Variants in RBFOX1 observed in about 807,000 individuals in gnomAD.
RBFOX1 encodes the protein RNA binding fox-1 homolog 1.
In RBFOX1, 8 loss-of-function variants were observed where a neutral mutation model predicts 57.7. That is an observed-to-expected ratio of 0.14 (90% CI 0.08 to 0.25). The LOEUF is 0.25. Ranked by LOEUF, RBFOX1 falls within the 10% of genes least tolerant of loss-of-function variation. RBFOX1 has a pLI of 1.00. For missense variants in RBFOX1, 611 were observed against 548.5 expected, an observed-to-expected ratio of 1.11 and a Z score of -1.14; for synonymous variants, 326 against 222.4, an observed-to-expected ratio of 1.47 and a Z score of -4.15.
At chr16:5,261,449 G>A (rs935568354) in intron 1 of RBFOX1, among the ~76,000 whole-genome samples, 4 of 151,514 alleles carry the variant, frequency 2.6e-5, no homozygotes, top group African/African-American at 7.3e-5. Context: ...TGCCTATTTT[G>A]ATTGGGCAGT....
Position 7,370,716 on chromosome 16 carries a change from G to T in RBFOX1, c.28-147431G>T, listed in dbSNP as rs147254050. On this transcript the variant is annotated intron_variant, in intron 4 of 15. Transcript: ENST00000550418. ...ATTTGAAAGGGACTTGTGAACTAGT[G>T]GCCAGTTTTCCTGTTTAGGTACCCG... 1.8e-3 allele frequency among the ~76,000 whole-genome samples: 278 copies of T among 152,272 alleles called. 3 individuals are homozygous for T. The highest frequency in any genetic ancestry group is 6.5e-3 in the African/African-American group (271 of 41,542).
chr16:7,577,622 G>A (rs1413855767), intron 5 of RBFOX1, among the ~76,000 whole-genome samples: 1 of 152,216 alleles, frequency 6.6e-6, no homozygotes, highest in Non-Finnish European at 1.5e-5. Flanking sequence ...CAGTCTCTGG[G>A]GATGGTGGCT....
chr16:6,584,364 T>C (rs895248502), intron 2 of RBFOX1, among the ~76,000 whole-genome samples: 5 of 147,456 alleles, frequency 3.4e-5, no homozygotes, highest in African/African-American at 1.2e-4. Context: ...TTATTATTAT[T>C]ATTATTATTA....
chr16:7,217,056 T>TCCCTCCCTCC (rs1322387691), intron 4 of RBFOX1, among the ~76,000 whole-genome samples: 22 of 56,072 alleles, frequency 3.9e-4, no homozygotes, highest in African/African-American at 1.2e-3. Context: ...TCCCTCCCTC[T>TCCCTCCCTCC]CTCTCCCTCT....
rs112093495 is a variant in RBFOX1 at position 6,663,584 on chromosome 16, A to G, written c.-16+8934A>G. On this transcript the variant is annotated intron_variant, in intron 3 of 15. Transcript: ENST00000550418. ...TTTCCCTTCAAAGACCAAAGCGAAG[A>G]TACTTAAGGCACATAAGGGCAGAGG... Among the ~76,000 whole-genome samples, 992 of 152,294 alleles carry G rather than the reference A, an allele frequency of 6.5e-3. 12 individuals carry two copies. The highest frequency in any genetic ancestry group is 0.023 in the African/African-American group (940 of 41,556).
At chr16:7,053,051 A>C (rs1298176064) in intron 4 of RBFOX1, among the ~76,000 whole-genome samples, 1 of 152,228 alleles carries the variant, frequency 6.6e-6, no homozygotes, top group Non-Finnish European at 1.5e-5. Context: ...TGTATTTAAC[A>C]GGCCTAATGC....
chr16:5,972,121 C>T (rs772313228), intron 4 of RBFOX1, among the ~76,000 whole-genome samples: 2 of 152,220 alleles, frequency 1.3e-5, no homozygotes, highest in Non-Finnish European at 2.9e-5. Context: ...AGCATGCTGA[C>T]TCATCCTGCA....
At chr16:6,795,387 A>C (rs370218975) in intron 3 of RBFOX1, among the ~76,000 whole-genome samples, 2 of 152,190 alleles carry the variant, frequency 1.3e-5, no homozygotes, top group East Asian at 1.9e-4. Flanking sequence ...AGAAGAAAAA[A>C]AATCAGCTCT....
chr16:6,845,550 T>A (rs1471779713), intron 3 of RBFOX1, among the ~76,000 whole-genome samples: 3 of 152,212 alleles, frequency 2.0e-5, no homozygotes, highest in Non-Finnish European at 2.9e-5. Flanking sequence ...TGTCTGTTTT[T>A]GCACCAGTGC....
intron 4 of RBFOX1, among the ~76,000 whole-genome samples, chr16:7,066,091 G>T (rs985889336): frequency 1.3e-5 from 2 of 152,184 alleles, no homozygotes; most frequent in African/African-American, 4.8e-5. Context: ...TGTTTTGATA[G>T]TATTTGCATG....
chr16:6,483,257 C>A (rs1385183932), intron 2 of RBFOX1: 3 of 1,282,544 alleles, frequency 2.3e-6, no homozygotes, highest in Non-Finnish European at 2.0e-6. Flanking sequence ...TCCCTTTGTG[C>A]GCGCCCGGGT....
chr16:6,137,824 C>T (rs1001293757), intron 1 of RBFOX1, among the ~76,000 whole-genome samples: 1 of 151,882 alleles, frequency 6.6e-6, no homozygotes, highest in Non-Finnish European at 1.5e-5. Context: ...GTCCAGGCTG[C>T]TCTTGAAACT....
chr16:5,551,533 C>G (rs564413870), intron 2 of RBFOX1, among the ~76,000 whole-genome samples: 26 of 152,356 alleles, frequency 1.7e-4, no homozygotes, highest in Admixed American at 1.5e-3. Flanking sequence ...CGAATCCACT[C>G]TGCTTTGGGA....
At chr16:6,360,293 A>G (rs1267303325) in intron 2 of RBFOX1, among the ~76,000 whole-genome samples, 1 of 151,976 alleles carries the variant, frequency 6.6e-6, no homozygotes. Context: ...ATGAAAGATC[A>G]TGAGGTGCCA....
At chr16:6,228,767 A>G (rs531343784) in intron 1 of RBFOX1, among the ~76,000 whole-genome samples, 26 of 152,312 alleles carry the variant, frequency 1.7e-4, no homozygotes, top group South Asian at 6.2e-4. Context: ...GTACCAATGT[A>G]TGGTGCTCTT....
At chr16:7,576,289 C>A (rs149822898) in intron 5 of RBFOX1, among the ~76,000 whole-genome samples, 3 of 152,036 alleles carry the variant, frequency 2.0e-5, no homozygotes, top group Non-Finnish European at 4.4e-5. Flanking sequence ...AAGTGACCTG[C>A]CTAAGATTAG....
At chr16:5,315,631 C>G (rs544134324) in intron 1 of RBFOX1, among the ~76,000 whole-genome samples, 1 of 152,158 alleles carries the variant, frequency 6.6e-6, no homozygotes, top group Non-Finnish European at 1.5e-5. Flanking sequence ...CTGTTTGTCA[C>G]GTACAGAAAG....
chr16:7,013,226 T>A (rs114779745), intron 3 of RBFOX1, among the ~76,000 whole-genome samples: 1 of 152,190 alleles, frequency 6.6e-6, no homozygotes, highest in Non-Finnish European at 1.5e-5. Flanking sequence ...AAGCATCCTT[T>A]CTTTGGTGAA....
intron 1 of RBFOX1, among the ~76,000 whole-genome samples, chr16:6,082,837 A>T (rs2096024609): frequency 6.6e-6 from 1 of 152,108 alleles, no homozygotes; most frequent in Admixed American, 6.6e-5. Context: ...AAGATGATGC[A>T]CTTGGACCCA....
Sources: gnomAD v4.1 joint callset for allele counts (sites outside exome capture counted in the v4.1 genomes callset) on GRCh38, gnomAD v4.1.1 for gene constraint, MANE v1.5 for transcripts, NCBI Gene and HGNC (gene_info 2026-07-23, HGNC 2026-07-21) for gene names.